Variants in PNRC1 observed in about 807,000 individuals in gnomAD.
PNRC1 encodes the protein proline rich nuclear receptor coactivator 1.
Under a neutral mutation model 20.2 loss-of-function variants are expected in PNRC1, and 6 were observed. The observed-to-expected ratio is 0.30, with a 90% CI of 0.16 to 0.59. PNRC1 has a LOEUF of 0.59. Ranked by LOEUF, PNRC1 falls within the 20% of genes least tolerant of loss-of-function variation. The probability of loss-of-function intolerance (pLI) is 0.89; values close to 1 mark genes in which losing one functional copy is unlikely to be tolerated. For missense variants in PNRC1, 488 were observed against 430.2 expected, an observed-to-expected ratio of 1.13 and a Z score of -1.19; for synonymous variants, 202 against 186.9, an observed-to-expected ratio of 1.08 and a Z score of -0.66.
Position 89,080,924 on chromosome 6 carries a change from G to A in PNRC1, c.30G>A (p.Glu10=). The A allele has an allele frequency of 6.2e-7, 1 of 1,612,638 alleles. No homozygotes were observed. The highest frequency in any genetic ancestry group is 8.5e-7 in the Non-Finnish European group (1 of 1,180,014). ...CTGTCGTCTCCGTCCCGCAGCGGGA[G>A]CCGCTCGTCCTGGGTGGCCGCCTTG... is the stretch of plus-strand genomic sequence containing the variant. MTVVSVPQR[E]PLVLGGRLAP... Residue 10 remains glutamate, a synonymous_variant, in exon 1 of 2, where the codon GAG becomes GAA. Transcript: ENST00000336032.
At chr6:89,083,097 T>G (rs1768039502) in intron 1 of PNRC1, among the ~76,000 whole-genome samples, 1 of 152,044 alleles carries the variant, frequency 6.6e-6, no homozygotes, top group Non-Finnish European at 1.5e-5. Context: ...ATCCTCCCCT[T>G]CCCAGGCTGA....
chr6:89,081,958 G>A (rs540834217), intron 1 of PNRC1: 34 of 152,546 alleles, frequency 2.2e-4, no homozygotes, highest in Non-Finnish European at 4.0e-4. Context: ...GCCGTAGGGG[G>A]TGGAGTGGGC....
intron 1 of PNRC1, among the ~76,000 whole-genome samples, chr6:89,083,063 G>A (rs1768038836): frequency 6.6e-6 from 1 of 151,908 alleles, no homozygotes; most frequent in Non-Finnish European, 1.5e-5. Flanking sequence ...GAATGCAGTG[G>A]CACGATCGAT....
chr6:89,081,713 T>G, intron 1 of PNRC1: 16 of 213,440 alleles, frequency 7.5e-5, no homozygotes, highest in East Asian at 9.9e-5. Context: ...TTTAGAAGGC[T>G]GGCGGCGTTC....
chr6:89,083,845 A>G lies in PNRC1; in HGVS notation c.633A>G (p.Ile211Met), dbSNP rs1197617665. The G allele has an allele frequency of 6.2e-7, 1 of 1,614,012 alleles. No individual in the cohort carries two copies. Among genetic ancestry groups the G allele is most frequent in the East Asian group, 2.2e-5 (1 of 44,888 alleles). ...TACACTTGTATGAGCAACCAAAGATAAACAGACAGAAAAGCAAATATAACT... is the reference window on the plus strand; with the variant it reads ...TACACTTGTATGAGCAACCAAAGATGAACAGACAGAAAAGCAAATATAACT... ...HGIHLYEQPK[I>M]NRQKSKYNLP... Residue 211 changes from isoleucine (I) to methionine (M), a missense_variant, in exon 2 of 2, where the codon ATA becomes ATG. Coordinates refer to ENST00000336032, the MANE Select transcript of PNRC1 (RefSeq NM_006813.3).
chr6:89,083,255 A>G (rs759740428), intron 1 of PNRC1, among the ~76,000 whole-genome samples: 6 of 152,232 alleles, frequency 3.9e-5, no homozygotes, highest in Non-Finnish European at 8.8e-5. Flanking sequence ...TTGACCTCCC[A>G]AAGTGCTGGG....
chr6:89,081,624 A>G (rs1187621150), intron 1 of PNRC1, among the ~76,000 whole-genome samples, 190 bp downstream of exon 1: 1 of 151,412 alleles, frequency 6.6e-6, no homozygotes, highest in African/African-American at 2.4e-5. Context: ...GGGGAAGGGG[A>G]GGCATGCGCT....
chr6:89,082,283 A>G (rs2127985693), intron 1 of PNRC1: 1 of 150,232 alleles, frequency 6.7e-6, no homozygotes, highest in African/African-American at 2.4e-5. Flanking sequence ...AATGATTTCA[A>G]AGTCTTGTCA....
At chr6:89,081,975 C>G (rs1217161063) in intron 1 of PNRC1, 1 of 152,356 alleles carries the variant, frequency 6.6e-6, no homozygotes, top group African/African-American at 2.4e-5. Flanking sequence ...GGGCTCCGAG[C>G]GGCTGGGTTT....
chr6:89,081,439 G>A lies in PNRC1; in HGVS notation c.540+5G>A, dbSNP rs1034576933. On this transcript the variant is annotated splice_donor_5th_base_variant and intron_variant, in intron 1 of 1. Coordinates refer to ENST00000336032, the MANE Select transcript of PNRC1 (RefSeq NM_006813.3). ...CAAACCCCCCTCAGGAAAGAGGTGAGGCCGCCAGGGGGCCGTTGGGGAGTC... is the reference window on the plus strand; with the variant it reads ...CAAACCCCCCTCAGGAAAGAGGTGAAGCCGCCAGGGGGCCGTTGGGGAGTC... The A allele has an allele frequency of 3.1e-6, 4 of 1,310,950 alleles. No individual in the cohort carries two copies. The East Asian group carries it at 1.3e-4, about 42-fold the overall frequency. 81.2% of individuals were successfully genotyped at this position (1,310,950 alleles called of 1,614,324 possible).
Position 89,084,021 on chromosome 6 carries a change from T to C in PNRC1, c.809T>C (p.Leu270Pro). The C allele has an allele frequency of 6.2e-7, 1 of 1,614,134 alleles. No homozygotes were observed. The highest frequency in any genetic ancestry group is 8.5e-7 in the Non-Finnish European group (1 of 1,180,000). The change falls in exon 2 of 2, where the codon CTA becomes CCA. Residue 270 changes from leucine to proline, a missense_variant. Transcript: ENST00000336032. ...KNSHLKKSAF[L>P]TEVSQKENYA... ...TCGCATTTGAAGAAATCAGCATTTC[T>C]AACTGAAGTGAGCCAAAAGGAAAAT...
rs1768062198 is a variant in PNRC1, at chr6:89,084,109, C to T, written c.897C>T (p.His299=). 6.2e-7 allele frequency: 1 copy of T among 1,613,782 alleles called. No homozygotes were observed. The highest frequency in any genetic ancestry group is 8.5e-7 in the Non-Finnish European group (1 of 1,179,904). Residue 299 remains histidine (H), a synonymous_variant, in exon 2 of 2, where the codon CAC becomes CAT. Coordinates refer to ENST00000336032, the MANE Select transcript of PNRC1 (RefSeq NM_006813.3). ...SPSVLPKPPS[H]WMGSTVENSN... The stretch of plus-strand genomic sequence containing the variant: ...GTGTTCTTCCAAAGCCTCCTAGTCA[C>T]TGGATGGGAAGCACTGTTGAAAATT...
Position 89,081,364 on chromosome 6 carries a change from C to G in PNRC1, c.470C>G (p.Thr157Arg), listed in dbSNP as rs1363890721. The change falls in exon 1 of 2, where the codon ACG becomes AGG. Residue 157 changes from threonine to arginine, a missense_variant. Coordinates refer to ENST00000336032, the MANE Select transcript of PNRC1 (RefSeq NM_006813.3). ...CCGAGTCCTGCAGCCGCAGCCGGCA[C>G]GGAGGGAGCCAGCCCCGACCTTGCC... Reference protein sequence around the residue: ...LAPSPAAAAGTEGASPDLAPL... With the variant: ...LAPSPAAAAGREGASPDLAPL... The G allele has an allele frequency of 7.0e-7, 1 of 1,434,782 alleles. No individual in the cohort carries two copies. Among genetic ancestry groups the G allele is most frequent in the Non-Finnish European group, 9.1e-7 (1 of 1,104,880 alleles). 88.9% of individuals were successfully genotyped at this position (1,434,782 alleles called of 1,614,324 possible).
Position 89,084,248 on chromosome 6 carries a change from C to A in PNRC1, c.*52C>A. ...ACATAATTTTTCCCATATCCCTGGA[C>A]TCTTGAGAAAATTGGTACAGAAATG... On this transcript the variant is annotated 3_prime_UTR_variant, in exon 2 of 2. Coordinates refer to ENST00000336032, the MANE Select transcript of PNRC1 (RefSeq NM_006813.3). The A allele has an allele frequency of 7.8e-7, 1 of 1,286,584 alleles. No individual in the cohort carries two copies. Among genetic ancestry groups the A allele is most frequent in the Non-Finnish European group, 1.1e-6 (1 of 935,450 alleles). The allele number at this position is 1,286,584 out of a possible 1,614,324, so 79.7% of individuals were successfully genotyped here. A position where few individuals can be genotyped will look rare whatever the true frequency, so the allele number is the denominator to read the frequency against.
At chr6:89,083,628 A>G (rs916511949) in intron 1 of PNRC1, 125 bp from the exon 2 acceptor site, 6 of 674,808 alleles carry the variant, frequency 8.9e-6, no homozygotes, top group Admixed American at 6.5e-5. Context: ...CACAAAGAAC[A>G]TAATTTTGTT....
chr6:89,081,099 A>G lies in PNRC1; in HGVS notation c.205A>G (p.Thr69Ala). The change falls in exon 1 of 2, where the codon ACC (threonine) becomes GCC (alanine). Residue 69 changes from threonine (T) to alanine (A), a missense_variant. By Grantham distance (58) the Thr-to-Ala change is moderately conservative. Coordinates refer to ENST00000336032, the MANE Select transcript of PNRC1 (RefSeq NM_006813.3). ...HFLGGDGPCL[T>A]PQPRAPAALP... ...CCTAGGGGGAGATGGCCCGTGTCTG[A>G]CCCCCCAGCCTCGCGCTCCAGCAGC... 1.9e-6 allele frequency: 3 copies of G among 1,608,000 alleles called. No individual in the cohort carries two copies. Among genetic ancestry groups the G allele is most frequent in the African/African-American group, 1.3e-5 (1 of 74,704 alleles).
rs781611638 is a variant in PNRC1 at position 89,081,227 on chromosome 6, C to T, written c.333C>T (p.Pro111=). The change falls in exon 1 of 2, where the codon CCC becomes CCT. Residue 111 remains proline (P), a synonymous_variant. Transcript: ENST00000336032. ...KVRASPAGQL[P]SRFHQYQQHR... is the part of the protein sequence containing the mutation. ...GGGCCAGCCCCGCAGGGCAGCTGCCCAGCCGCTTCCACCAGTACCAGCAGC... is the reference window on the plus strand; with the variant it reads ...GGGCCAGCCCCGCAGGGCAGCTGCCTAGCCGCTTCCACCAGTACCAGCAGC... 10 of 1,554,990 alleles carry T rather than the reference C, an allele frequency of 6.4e-6. No homozygotes were observed. The African/African-American group carries it at 1.2e-4, about 19-fold the overall frequency.
chr6:89,081,755 G>T (rs925881382), intron 1 of PNRC1: 46 of 184,266 alleles, frequency 2.5e-4, no homozygotes, highest in Middle Eastern at 4.1e-3. Context: ...GCGCGCGGCG[G>T]GGTGGGGGCA....
At position 89,083,831 on chromosome 6, in the gene PNRC1, G is replaced by C. The variant is rs1333507341; in HGVS notation, c.619G>C (p.Glu207Gln). Residue 207 changes from glutamate to glutamine, a missense_variant, in exon 2 of 2, where the codon GAG (glutamate) becomes CAG (glutamine). Physicochemically the swap from Glu to Gln is conservative, Grantham distance 29 (BLOSUM62 2). Coordinates refer to ENST00000336032, the MANE Select transcript of PNRC1 (RefSeq NM_006813.3). ...GQLVHGIHLY[E>Q]QPKINRQKSK... Reference sequence around the variant, plus strand: ...GCTTGTTCATGGTATACACTTGTATGAGCAACCAAAGATAAACAGACAGAA... The same window carrying C: ...GCTTGTTCATGGTATACACTTGTATCAGCAACCAAAGATAAACAGACAGAA... 2.5e-6 allele frequency: 4 copies of C among 1,613,978 alleles called. No individual in the cohort carries two copies. The South Asian group carries it at 4.4e-5, about 18-fold the overall frequency.
Sources: allele counts gnomAD v4.1 joint callset (sites outside exome capture counted in the v4.1 genomes callset), GRCh38; gene constraint gnomAD v4.1.1; transcripts MANE v1.5; gene names NCBI Gene and HGNC (gene_info 2026-07-23, HGNC 2026-07-21).